ITGBL1: variants seen among roughly 807,000 people sequenced by gnomAD.
The protein encoded by ITGBL1 is integrin subunit beta like 1.
A neutral mutation model predicts 68.5 loss-of-function variants in ITGBL1; 51 were observed. The ratio of observed to expected loss-of-function variants is 0.74; its 90% CI spans 0.59 to 0.94. The LOEUF (loss-of-function observed/expected upper bound fraction) is 0.94, where lower values mean the gene tolerates loss of function less well. Among genes scored for constraint, ITGBL1 ranks in the 40% least tolerant of loss-of-function variants. The pLI is 0.00. For missense variants in ITGBL1, 649 were observed against 647.4 expected, an observed-to-expected ratio of 1.00 and a Z score of -0.03; for synonymous variants, 209 against 227.3, an observed-to-expected ratio of 0.92 and a Z score of 0.72.
chr13:101,663,142 G>T (rs933068491), intron 7 of ITGBL1, among the ~76,000 whole-genome samples: 5 of 152,008 alleles, frequency 3.3e-5, no homozygotes, highest in African/African-American at 1.2e-4. Context: ...AATAGATGTT[G>T]AATAAATGAG....
chr13:101,551,231 G>A (rs191467996), intron 2 of ITGBL1, among the ~76,000 whole-genome samples: 3 of 152,214 alleles, frequency 2.0e-5, no homozygotes, highest in South Asian at 2.1e-4. Context: ...TTAGAGAAAT[G>A]TCAGTAGGAT....
At chr13:101,691,795 A>G (rs1020908234) in intron 7 of ITGBL1, among the ~76,000 whole-genome samples, 5 of 152,218 alleles carry the variant, frequency 3.3e-5, no homozygotes, top group African/African-American at 1.2e-4. Context: ...TTGGAAAGTT[A>G]CTTGGCCTCA....
intron 7 of ITGBL1, among the ~76,000 whole-genome samples, chr13:101,610,523 C>T (rs1005031083): frequency 4.6e-5 from 7 of 152,158 alleles, no homozygotes; most frequent in African/African-American, 1.4e-4. Flanking sequence ...CATAATCAAT[C>T]TAATATTTAT....
At chr13:101,681,725 A>G (rs1185874867) in intron 7 of ITGBL1, among the ~76,000 whole-genome samples, 2 of 152,160 alleles carry the variant, frequency 1.3e-5, no homozygotes, top group African/African-American at 4.8e-5. Context: ...AGATTATGAA[A>G]AAAGAGGAAT....
intron 7 of ITGBL1, among the ~76,000 whole-genome samples, chr13:101,607,561 C>G (rs1225768253): frequency 2.0e-5 from 3 of 151,894 alleles, no homozygotes; most frequent in Middle Eastern, 6.8e-3. Flanking sequence ...CAGCAGGATT[C>G]ATGTACAAAT....
chr13:101,522,064 AAG>A (rs1283338633), intron 2 of ITGBL1, among the ~76,000 whole-genome samples: 3 of 151,922 alleles, frequency 2.0e-5, no homozygotes, highest in Non-Finnish European at 4.4e-5. Context: ...AGAGAAGAGA[AAG>A]AGATTGAGTG....
chr13:101,672,863 C>G (rs1162916749), intron 7 of ITGBL1, among the ~76,000 whole-genome samples: 1 of 152,132 alleles, frequency 6.6e-6, no homozygotes, highest in Non-Finnish European at 1.5e-5. Flanking sequence ...CAGGTATTTA[C>G]CCCAGACAAT....
At chr13:101,557,823 G>A (rs1285476235) in intron 2 of ITGBL1, among the ~76,000 whole-genome samples, 1 of 152,064 alleles carries the variant, frequency 6.6e-6, no homozygotes, top group East Asian at 1.9e-4. Flanking sequence ...GGGCACGGTG[G>A]CTCATGCCTG....
intron 2 of ITGBL1, among the ~76,000 whole-genome samples, chr13:101,542,984 A>G (rs1456651831): frequency 1.3e-5 from 2 of 152,150 alleles, no homozygotes; most frequent in East Asian, 3.9e-4. Flanking sequence ...TGAATACAGC[A>G]CACTGATGGG....
chr13:101,642,111 A>T, intron 7 of ITGBL1, among the ~76,000 whole-genome samples: 1 of 151,444 alleles, frequency 6.6e-6, no homozygotes, highest in African/African-American at 2.4e-5. Flanking sequence ...TGGTATTTCT[A>T]GTTCTAGATC....
At chr13:101,495,264 A>G (rs545067206) in intron 2 of ITGBL1, among the ~76,000 whole-genome samples, 1 of 152,306 alleles carries the variant, frequency 6.6e-6, no homozygotes, top group African/African-American at 2.4e-5. Flanking sequence ...TTGCTTAGAA[A>G]TGTCTGATGT....
chr13:101,596,912 G>A (rs1284394650), intron 6 of ITGBL1, among the ~76,000 whole-genome samples: 1 of 152,220 alleles, frequency 6.6e-6, no homozygotes, highest in African/African-American at 2.4e-5. Context: ...AGGGATTGGG[G>A]AAAGGTGTGG....
intron 7 of ITGBL1, among the ~76,000 whole-genome samples, chr13:101,628,467 C>G (rs1476712497): frequency 6.7e-6 from 1 of 149,912 alleles, no homozygotes; most frequent in Non-Finnish European, 1.5e-5. Flanking sequence ...AAGTCTCGCT[C>G]TGTCACCCAG....
intron 3 of ITGBL1, among the ~76,000 whole-genome samples, chr13:101,573,738 G>A (rs912506841): frequency 3.9e-5 from 6 of 152,048 alleles, no homozygotes; most frequent in South Asian, 2.1e-4. Context: ...ATTAAAACTC[G>A]GAATTCAGCT....
chr13:101,566,979 G>A (rs1055067515), intron 2 of ITGBL1, among the ~76,000 whole-genome samples: 1 of 152,064 alleles, frequency 6.6e-6, no homozygotes, highest in Non-Finnish European at 1.5e-5. Context: ...TGAGGACAAG[G>A]ACCAAGTACT....
chr13:101,601,184 A>G (rs2030353445), intron 7 of ITGBL1, among the ~76,000 whole-genome samples: 1 of 152,248 alleles, frequency 6.6e-6, no homozygotes, highest in East Asian at 1.9e-4. Flanking sequence ...TGTTGAGGAA[A>G]TTTATCCATT....
At chr13:101,516,398 T>C (rs756747570) in intron 2 of ITGBL1, among the ~76,000 whole-genome samples, 3 of 152,200 alleles carry the variant, frequency 2.0e-5, no homozygotes, top group Admixed American at 6.5e-5. Context: ...TGAATAGTTT[T>C]ATTCAGAATC....
chr13:101,541,988 G>C (rs2049714414), intron 2 of ITGBL1, among the ~76,000 whole-genome samples: 2 of 151,784 alleles, frequency 1.3e-5, no homozygotes, highest in African/African-American at 4.8e-5. Context: ...CAATTTTGTT[G>C]ATCTTTTCAA....
intron 7 of ITGBL1, among the ~76,000 whole-genome samples, chr13:101,672,369 A>T (rs2033399218): frequency 6.6e-6 from 1 of 152,174 alleles, no homozygotes; most frequent in Non-Finnish European, 1.5e-5. Context: ...TTTTAATGAA[A>T]AGCAGCCCCC....
Sources: allele counts gnomAD v4.1 joint callset (sites outside exome capture counted in the v4.1 genomes callset), GRCh38; gene constraint gnomAD v4.1.1; transcripts MANE v1.5; gene names NCBI Gene and HGNC (gene_info 2026-07-23, HGNC 2026-07-21).